The following MAGI2 variants were observed in gnomAD, a reference collection of about 807,000 sequenced individuals.
MAGI2 encodes membrane associated guanylate kinase, WW and PDZ domain containing 2.
MAGI2 carries 35 observed loss-of-function variants against 133.3 expected under a neutral mutation model. The observed-to-expected ratio is 0.26, with a 90% CI of 0.20 to 0.35. The LOEUF (loss-of-function observed/expected upper bound fraction) is 0.35, where lower values mean the gene tolerates loss of function less well. MAGI2 is among the 10% of genes least tolerant of loss of function. MAGI2 has a pLI of 1.00. For missense variants in MAGI2, 1,636 were observed against 1,863.4 expected (o/e 0.88, Z 2.25); for synonymous variants, 729 against 710.6 (o/e 1.03, Z -0.41).
chr7:78,349,166 T>C (rs1429110980), intron 7 of MAGI2, among the ~76,000 whole-genome samples: 1 of 152,226 alleles, frequency 6.6e-6, no homozygotes, highest in African/African-American at 2.4e-5. Flanking sequence ...TTCCCTAGAT[T>C]GTGTACTTCT....
chr7:78,463,930 A>G (rs1327312265), intron 6 of MAGI2, among the ~76,000 whole-genome samples: 2 of 152,126 alleles, frequency 1.3e-5, no homozygotes, highest in Non-Finnish European at 2.9e-5. Flanking sequence ...GAGGGCAGGC[A>G]GGCAGGTAGC....
At chr7:79,401,123 T>C (rs372766771) in intron 1 of MAGI2, among the ~76,000 whole-genome samples, 7 of 152,130 alleles carry the variant, frequency 4.6e-5, no homozygotes, top group Non-Finnish European at 8.8e-5. Flanking sequence ...CCATAACAAA[T>C]ACAAATGTTT....
chr7:78,172,218 A>C, intron 14 of MAGI2, among the ~76,000 whole-genome samples: 1 of 152,196 alleles, frequency 6.6e-6, no homozygotes, highest in Non-Finnish European at 1.5e-5. Context: ...CCACCTTTCC[A>C]GGCCTTTTGA....
chr7:79,069,085 G>C (rs995460348), intron 1 of MAGI2, among the ~76,000 whole-genome samples: 1 of 151,998 alleles, frequency 6.6e-6, no homozygotes, highest in Non-Finnish European at 1.5e-5. Flanking sequence ...GTTGATTTGG[G>C]GTAGAGAGTT....
rs192659769 is a variant in MAGI2, at chr7:78,400,791, T to C, written c.1046-31578A>G. Among the ~76,000 whole-genome samples, 366 of 152,304 alleles carry C rather than the reference T, an allele frequency of 2.4e-3. 1 individual carries two copies. Among genetic ancestry groups the C allele is most frequent in the African/African-American group, 8.4e-3 (349 of 41,570 alleles). ...ATTTTTTGGTAGGACGGCTAACTTA[T>C]TAGCAGTGAATGTTTAAGTAGTTTT... On this transcript the variant is annotated intron_variant, in intron 6 of 21. Transcript: ENST00000354212.
chr7:79,219,120 A>T (rs1038357711), intron 1 of MAGI2, among the ~76,000 whole-genome samples: 1 of 152,074 alleles, frequency 6.6e-6, no homozygotes, highest in Non-Finnish European at 1.5e-5. Flanking sequence ...TAGATGAGTT[A>T]TTTCTACAAT....
At chr7:78,333,474 C>T (rs1789441284) in intron 9 of MAGI2, among the ~76,000 whole-genome samples, 1 of 152,202 alleles carries the variant, frequency 6.6e-6, no homozygotes, top group South Asian at 2.1e-4. Context: ...CTATGACTCT[C>T]TCTGATCCAA....
chr7:78,446,337 T>C (rs924547085), intron 6 of MAGI2, among the ~76,000 whole-genome samples: 1 of 152,060 alleles, frequency 6.6e-6, no homozygotes, highest in African/African-American at 2.4e-5. Flanking sequence ...CAACTTAAAC[T>C]GGCATAAATA....
Position 79,120,686 on chromosome 7 carries a change from T to G in MAGI2, c.302-113480A>C, listed in dbSNP as rs572982959. ...AGATGAGAGAAAGGACCACTATAAG[T>G]AGGAACTTAGTGTTTTTGTTACTTG... On this transcript the variant is annotated intron_variant, in intron 1 of 21. Transcript: ENST00000354212. Among the ~76,000 whole-genome samples the G allele has an allele frequency of 2.0e-5, 3 of 152,154 alleles. No individual in the cohort carries two copies. In the South Asian group the frequency reaches 6.2e-4, roughly 32 times the overall value.
At chr7:78,298,323 A>C (rs1218843607) in intron 9 of MAGI2, among the ~76,000 whole-genome samples, 1 of 152,210 alleles carries the variant, frequency 6.6e-6, no homozygotes, top group East Asian at 1.9e-4. Flanking sequence ...GGACAGAAAA[A>C]GAACATTAAG....
intron 7 of MAGI2, chr7:78,358,882 A>T (rs6978162): frequency 0.8 from 125,628 of 157,948 alleles, 50,066 homozygotes; most frequent in Admixed American, 0.84. Context: ...TTGAGACCAG[A>T]AAAGACTGTT....
chr7:78,943,069 A>AC (rs1428710332), intron 2 of MAGI2, among the ~76,000 whole-genome samples: 11 of 152,044 alleles, frequency 7.2e-5, no homozygotes, highest in Admixed American at 2.6e-4. Context: ...CTATTTTACC[A>AC]CCCTGGGTCT....
chr7:78,068,614 A>G (rs1013575188), intron 21 of MAGI2, among the ~76,000 whole-genome samples: 1 of 152,176 alleles, frequency 6.6e-6, no homozygotes, highest in Non-Finnish European at 1.5e-5. Context: ...CAAGTCTTAA[A>G]AAAAGGTGGC....
intron 18 of MAGI2, among the ~76,000 whole-genome samples, chr7:78,129,049 G>C (rs1821280003): frequency 6.6e-6 from 1 of 152,220 alleles, no homozygotes; most frequent in African/African-American, 2.4e-5. Context: ...ACTGTTTTAA[G>C]TTATAGCATA....
intron 6 of MAGI2, among the ~76,000 whole-genome samples, chr7:78,395,410 G>A (rs956082624): frequency 4.9e-4 from 74 of 152,122 alleles, no homozygotes; most frequent in African/African-American, 1.4e-3. Flanking sequence ...CAGAAAATTG[G>A]GGTTTCCTTC....
At chr7:79,142,520 T>G (rs1171166133) in intron 1 of MAGI2, among the ~76,000 whole-genome samples, 2 of 152,122 alleles carry the variant, frequency 1.3e-5, no homozygotes, top group Non-Finnish European at 2.9e-5. Context: ...TGAAGATGGG[T>G]GTATTGAAAA....
At chr7:78,278,753 C>G (rs1429913135) in intron 9 of MAGI2, among the ~76,000 whole-genome samples, 2 of 152,142 alleles carry the variant, frequency 1.3e-5, no homozygotes, top group Non-Finnish European at 2.9e-5. Flanking sequence ...AATTTTGCCT[C>G]AAAACTGAAG....
At chr7:78,835,582 T>C (rs1229855419) in intron 2 of MAGI2, among the ~76,000 whole-genome samples, 6 of 152,280 alleles carry the variant, frequency 3.9e-5, no homozygotes, top group East Asian at 1.9e-4. Flanking sequence ...TCCAAAACCA[T>C]AAATGTGTAA....
At chr7:78,028,626 G>A (rs1292786354) in intron 21 of MAGI2, among the ~76,000 whole-genome samples, 2 of 152,082 alleles carry the variant, frequency 1.3e-5, no homozygotes, top group African/African-American at 4.8e-5. Flanking sequence ...AGGCCAAGGT[G>A]GGCAGATCAC....
Sources: allele counts gnomAD v4.1 joint callset (sites outside exome capture counted in the v4.1 genomes callset), GRCh38; gene constraint gnomAD v4.1.1; transcripts MANE v1.5; gene names NCBI Gene and HGNC (gene_info 2026-07-23, HGNC 2026-07-21).